The following CCSER1 variants were observed in gnomAD, a reference collection of about 807,000 sequenced individuals.
The protein encoded by CCSER1 is coiled-coil serine rich protein 1, also known as serine-rich coiled-coil domain-containing protein 1.
A neutral mutation model predicts 82.0 loss-of-function variants in CCSER1; 41 were observed. The ratio of observed to expected loss-of-function variants is 0.50; its 90% CI spans 0.39 to 0.65. CCSER1 has a LOEUF of 0.65. Among genes scored for constraint, CCSER1 ranks in the 30% least tolerant of loss-of-function variants. The pLI is 0.00. For synonymous variants in CCSER1, 414 were observed against 383.9 expected, an observed-to-expected ratio of 1.08 and a Z score of -0.92; for missense variants, 1,119 against 1,064.2, an observed-to-expected ratio of 1.05 and a Z score of -0.72.
chr4:91,000,732 G>A lies in CCSER1; in HGVS notation c.2172+77285G>A, dbSNP rs114190654. Among the ~76,000 whole-genome samples the A allele has an allele frequency of 5.5e-3, 831 of 152,136 alleles. 11 individuals are homozygous for A. The highest frequency in any genetic ancestry group is 0.019 in the African/African-American group (792 of 41,498). ...TCTTGATTTGGCCCTCAGCTAGAAT[G>A]TTATCAGTTTATAGAAATGCTACTG... On this transcript the variant is annotated intron_variant, in intron 9 of 10. Coordinates refer to ENST00000509176, the MANE Select transcript of CCSER1 (RefSeq NM_001145065.2).
intron 10 of CCSER1, among the ~76,000 whole-genome samples, chr4:91,205,624 C>T (rs1455958691): frequency 6.6e-6 from 1 of 151,158 alleles, no homozygotes; most frequent in Non-Finnish European, 1.5e-5. Context: ...TTCCTCCTTC[C>T]CTCCCTTCTT....
intron 1 of CCSER1, among the ~76,000 whole-genome samples, chr4:90,143,560 A>G (rs1725227268): frequency 6.6e-6 from 1 of 151,756 alleles, no homozygotes; most frequent in Non-Finnish European, 1.5e-5. Flanking sequence ...GAATACATCA[A>G]GTATTCAGTA....
intron 6 of CCSER1, among the ~76,000 whole-genome samples, chr4:90,648,285 GAAA>G (rs1728015250): frequency 7.3e-5 from 1 of 13,672 alleles, no homozygotes; most frequent in Non-Finnish European, 1.7e-4. Context: ...AGAAAGAAAG[GAAA>G]GAAAGAAAGA....
intron 6 of CCSER1, among the ~76,000 whole-genome samples, chr4:90,632,861 C>A (rs948367895): frequency 2.0e-5 from 3 of 152,104 alleles, no homozygotes; most frequent in African/African-American, 7.2e-5. Context: ...ACTGAAGTTA[C>A]TTCACAACTG....
At chr4:90,552,656 CG>C (rs1451750305) in intron 5 of CCSER1, among the ~76,000 whole-genome samples, 1 of 151,910 alleles carries the variant, frequency 6.6e-6, no homozygotes, top group East Asian at 1.9e-4. Flanking sequence ...GGGTTTTTGC[CG>C]TGTTGCCCAG....
At chr4:90,194,182 T>C (rs1736174030) in intron 1 of CCSER1, among the ~76,000 whole-genome samples, 1 of 152,076 alleles carries the variant, frequency 6.6e-6, no homozygotes, top group East Asian at 1.9e-4. Context: ...CTAGATCAGA[T>C]TTGCAGCCCA....
intron 9 of CCSER1, among the ~76,000 whole-genome samples, chr4:91,035,367 T>C (rs1741348750): frequency 1.3e-5 from 2 of 152,054 alleles, no homozygotes; most frequent in Admixed American, 6.6e-5. Flanking sequence ...AAATCATCCT[T>C]TGGTCTCTTT....
At chr4:90,692,824 A>G (rs1259474309) in intron 6 of CCSER1, among the ~76,000 whole-genome samples, 7 of 151,992 alleles carry the variant, frequency 4.6e-5, no homozygotes, top group Admixed American at 4.6e-4. Flanking sequence ...AAGAGTATCA[A>G]ATTAAACTTA....
At chr4:91,227,182 A>C (rs1188203460) in intron 10 of CCSER1, among the ~76,000 whole-genome samples, 1 of 151,982 alleles carries the variant, frequency 6.6e-6, no homozygotes, top group Non-Finnish European at 1.5e-5. Context: ...AGTTATCTAA[A>C]ACATATAATG....
intron 9 of CCSER1, among the ~76,000 whole-genome samples, chr4:90,946,107 T>G (rs1449882566): frequency 3.3e-5 from 5 of 152,168 alleles, no homozygotes; most frequent in Non-Finnish European, 7.4e-5. Flanking sequence ...GCCTTTGATT[T>G]TTATAATTAC....
At chr4:90,370,035 C>T (rs1016605994) in intron 3 of CCSER1, 2 of 152,096 alleles carry the variant, frequency 1.3e-5, no homozygotes, top group African/African-American at 4.8e-5. Context: ...CAAAGAAGCA[C>T]AGCAAATGTT....
intron 1 of CCSER1, among the ~76,000 whole-genome samples, chr4:90,299,982 G>T (rs1355695761): frequency 1.3e-5 from 2 of 151,506 alleles, no homozygotes; most frequent in Admixed American, 1.3e-4. Context: ...GTTTTTTTGG[G>T]GATCTTCTTT....
intron 10 of CCSER1, among the ~76,000 whole-genome samples, chr4:91,460,020 A>G (rs933442087): frequency 2.0e-5 from 3 of 152,196 alleles, no homozygotes; most frequent in African/African-American, 7.2e-5. Flanking sequence ...GAAGGGAAAT[A>G]TGTAGCCCTT....
chr4:90,181,007 A>G (rs915745869), intron 1 of CCSER1, among the ~76,000 whole-genome samples: 5 of 152,176 alleles, frequency 3.3e-5, no homozygotes, highest in African/African-American at 9.7e-5. Context: ...TGAGCATAAC[A>G]GTAATCTTTA....
At chr4:91,559,484 C>G (rs952620809) in intron 10 of CCSER1, among the ~76,000 whole-genome samples, 1 of 151,532 alleles carries the variant, frequency 6.6e-6, no homozygotes, top group Non-Finnish European at 1.5e-5. Context: ...GCTCTCCTAG[C>G]ACTGGGCTTG....
intron 10 of CCSER1, among the ~76,000 whole-genome samples, chr4:91,493,436 T>A (rs1338165275): frequency 2.0e-5 from 2 of 102,456 alleles, no homozygotes; most frequent in Admixed American, 1.8e-4. Flanking sequence ...AGTTTCAAAA[T>A]GTGTTTATTA....
At chr4:90,827,723 T>C (rs565379690) in intron 8 of CCSER1, among the ~76,000 whole-genome samples, 9 of 152,242 alleles carry the variant, frequency 5.9e-5, no homozygotes, top group African/African-American at 1.7e-4. Context: ...CTAAAAGCTG[T>C]GTAGGGGAGG....
At chr4:90,256,926 CATT>C (rs1215295505) in intron 1 of CCSER1, among the ~76,000 whole-genome samples, 5 of 151,944 alleles carry the variant, frequency 3.3e-5, no homozygotes, top group Admixed American at 1.3e-4. Flanking sequence ...TTATTAATCT[CATT>C]GTTTTTCATT....
chr4:90,260,628 C>T (rs1724143208), intron 1 of CCSER1, among the ~76,000 whole-genome samples: 1 of 152,088 alleles, frequency 6.6e-6, no homozygotes, highest in South Asian at 2.1e-4. Context: ...ATCCCTTTGA[C>T]CTTGAGTTTA....
Sources: allele counts gnomAD v4.1 joint callset (sites outside exome capture counted in the v4.1 genomes callset), GRCh38; gene constraint gnomAD v4.1.1; transcripts MANE v1.5; gene names NCBI Gene and HGNC (gene_info 2026-07-23, HGNC 2026-07-21).